KYNU: variants seen among roughly 807,000 people sequenced by gnomAD.
The protein encoded by KYNU is kynureninase.
Under a neutral mutation model 59.2 loss-of-function variants are expected in KYNU, and 54 were observed. That is an observed-to-expected ratio of 0.91 (90% CI 0.73 to 1.14). The LOEUF (loss-of-function observed/expected upper bound fraction) is 1.14. Ranked by LOEUF, KYNU falls within the 50% of genes most tolerant of loss-of-function variation. The pLI is 0.00. For missense variants in KYNU, 567 were observed against 554.4 expected, an observed-to-expected ratio of 1.02 and a Z score of -0.23; for synonymous variants, 177 against 192.0, an observed-to-expected ratio of 0.92 and a Z score of 0.65.
At chr2:143,041,017 A>G (rs1687027357) in intron 13 of KYNU, among the ~76,000 whole-genome samples, 1 of 152,102 alleles carries the variant, frequency 6.6e-6, no homozygotes, top group Non-Finnish European at 1.5e-5. Context: ...GGAATTAAAG[A>G]TCATACCAAT....
At chr2:142,937,445 G>A (rs1683429207) in intron 4 of KYNU, among the ~76,000 whole-genome samples, 1 of 151,780 alleles carries the variant, frequency 6.6e-6, no homozygotes, top group Non-Finnish European at 1.5e-5. Context: ...TGGGCAAATG[G>A]GATCACCTTA....
At chr2:142,898,885 C>T (rs1376950571) in intron 2 of KYNU, among the ~76,000 whole-genome samples, 1 of 152,166 alleles carries the variant, frequency 6.6e-6, no homozygotes, top group Non-Finnish European at 1.5e-5. Flanking sequence ...TAGTGTTCAG[C>T]TTGATTAGGA....
chr2:143,037,280 T>C (rs1354693865), intron 12 of KYNU, among the ~76,000 whole-genome samples: 1 of 152,210 alleles, frequency 6.6e-6, no homozygotes, highest in Non-Finnish European at 1.5e-5. Flanking sequence ...TAAAGTAAGA[T>C]GTTTGGACAA....
At chr2:142,878,318 G>A (rs1455829445) in intron 1 of KYNU, among the ~76,000 whole-genome samples, 1 of 151,792 alleles carries the variant, frequency 6.6e-6, no homozygotes, top group Non-Finnish European at 1.5e-5. Flanking sequence ...GTGTTATTTA[G>A]TAGTAACACT....
chr2:142,962,979 C>G (rs2105104261), intron 8 of KYNU, among the ~76,000 whole-genome samples: 1 of 152,172 alleles, frequency 6.6e-6, no homozygotes, highest in African/African-American at 2.4e-5. Context: ...GGGCATGACA[C>G]AGTCACTGGT....
At position 143,042,220 on chromosome 2, in the gene KYNU, G is replaced by A; in HGVS notation, c.*48G>A. ...AGCAAATTATACTGAAAGCTGCTGTGGTTATTTCAGTATTATTCGATTTTT... is the reference window on the plus strand; with the variant it reads ...AGCAAATTATACTGAAAGCTGCTGTAGTTATTTCAGTATTATTCGATTTTT... On this transcript the variant is annotated 3_prime_UTR_variant, in exon 14 of 14. Coordinates refer to ENST00000264170, the MANE Select transcript of KYNU (RefSeq NM_003937.3). 6.4e-7 allele frequency: 1 copy of A among 1,568,738 alleles called. No individual in the cohort carries two copies. The highest frequency in any genetic ancestry group is 8.7e-7 in the Non-Finnish European group (1 of 1,147,408).
At chr2:142,921,298 C>T (rs1573792723) in intron 3 of KYNU, among the ~76,000 whole-genome samples, 3 of 152,300 alleles carry the variant, frequency 2.0e-5, no homozygotes, top group Admixed American at 2.0e-4. Context: ...TGAATTTGTA[C>T]CTCCAGGTGC....
chr2:142,884,523 G>T (rs1044263221), intron 1 of KYNU, among the ~76,000 whole-genome samples: 2 of 152,012 alleles, frequency 1.3e-5, no homozygotes, highest in African/African-American at 4.8e-5. Context: ...AGAGGAAAAG[G>T]TGATGACATT....
rs1235636078 is a variant in KYNU at position 142,925,368 on chromosome 2, C to T, written c.291-2291C>T. On this transcript the variant is annotated intron_variant, in intron 3 of 13. Transcript: ENST00000264170. ...TATGTTTATTCTCAAAGAAAGTCCT[C>T]TTCCTTCATCTTAGTTTATATGGTA... Among the ~76,000 whole-genome samples the T allele has an allele frequency of 2.0e-5, 3 of 152,306 alleles. No individual in the cohort carries two copies. The South Asian group carries it at 6.2e-4, about 32-fold the overall frequency.
chr2:143,014,057 T>C (rs546876445), intron 10 of KYNU, among the ~76,000 whole-genome samples: 43 of 152,364 alleles, frequency 2.8e-4, no homozygotes, highest in Non-Finnish European at 4.3e-4. Context: ...GGATATAGTA[T>C]GAACCTGGGT....
At chr2:142,893,817 A>G (rs1249276772) in intron 2 of KYNU, among the ~76,000 whole-genome samples, 4 of 151,980 alleles carry the variant, frequency 2.6e-5, no homozygotes, top group Non-Finnish European at 4.4e-5. Context: ...ATCTTTCCCT[A>G]CTCTCTAAGG....
At chr2:142,916,229 A>G (rs1682664120) in intron 2 of KYNU, among the ~76,000 whole-genome samples, 1 of 152,142 alleles carries the variant, frequency 6.6e-6, no homozygotes, top group South Asian at 2.1e-4. Flanking sequence ...GATTTACTGA[A>G]TGTGGAGACT....
At chr2:142,929,949 G>A (rs569497476) in intron 4 of KYNU, among the ~76,000 whole-genome samples, 1 of 152,184 alleles carries the variant, frequency 6.6e-6, no homozygotes, top group African/African-American at 2.4e-5. Context: ...GGACTGAAAA[G>A]GGAAAGATTT....
intron 3 of KYNU, 135 bp downstream of exon 3, chr2:142,918,864 G>C (rs1682771664): frequency 3.1e-6 from 3 of 981,442 alleles, no homozygotes; most frequent in Middle Eastern, 2.2e-4. Context: ...TGGAGGATTA[G>C]TTCCAGGGCC....
intron 2 of KYNU, among the ~76,000 whole-genome samples, chr2:142,886,591 T>C (rs558071951): frequency 0.01 from 641 of 63,474 alleles, 5 homozygotes; most frequent in African/African-American, 0.027. Context: ...AAGAAAAATC[T>C]TCTAGGTCAT....
At chr2:142,966,408 G>C (rs988351829) in intron 8 of KYNU, among the ~76,000 whole-genome samples, 6 of 152,142 alleles carry the variant, frequency 3.9e-5, no homozygotes, top group African/African-American at 1.4e-4. Flanking sequence ...TAAAGTCTTA[G>C]CTTAGAAATG....
chr2:142,918,751 A>T (rs372260320), intron 3 of KYNU, 22 bp downstream of exon 3: 2 of 1,603,824 alleles, frequency 1.2e-6, no homozygotes. Flanking sequence ...TTTAAAAGCT[A>T]CTACTCTACA....
chr2:142,985,090 T>TA lies in KYNU; in HGVS notation c.737dup (p.Tyr246Ter), dbSNP rs1685160115. The change falls in exon 9 of 14, where the codon TAT (tyrosine) becomes TAAT (stop). Residue 246 changes from tyrosine to a stop codon, truncating the protein, a stop_gained and frameshift_variant. Transcript: ENST00000264170. LOFTEE classifies it high-confidence loss of function. Reference protein sequence around the residue: ...ITKAGQAKGCYVGFDLAHAVG... With the variant: ...ITKAGQAKGC ...TTATTGTGTTCTTCCCTAGGGTTGT[T>TA]ATGTTGGCTTTGATCTAGCACATGC... 6 of 1,597,232 alleles carry TA rather than the reference T, an allele frequency of 3.8e-6. No homozygotes were observed. Among genetic ancestry groups the TA allele is most frequent in the Non-Finnish European group, 5.1e-6 (6 of 1,165,266 alleles).
At chr2:142,966,621 GAC>G (rs910549110) in intron 8 of KYNU, among the ~76,000 whole-genome samples, 2 of 149,688 alleles carry the variant, frequency 1.3e-5, no homozygotes, top group Non-Finnish European at 1.5e-5. Context: ...AGATCAGGAA[GAC>G]ACAGTCAGAC....
Sources: allele counts gnomAD v4.1 joint callset (sites outside exome capture counted in the v4.1 genomes callset), GRCh38; gene constraint gnomAD v4.1.1; transcripts MANE v1.5; gene names NCBI Gene and HGNC (gene_info 2026-07-23, HGNC 2026-07-21).